PDXDC1: variants seen among roughly 807,000 people sequenced by gnomAD.
PDXDC1 encodes the protein pyridoxal dependent decarboxylase domain containing 1.
A neutral mutation model predicts 100.1 loss-of-function variants in PDXDC1; 42 were observed. The ratio of observed to expected loss-of-function variants is 0.42; its 90% CI spans 0.33 to 0.54. The LOEUF is 0.54. Ranked by LOEUF, PDXDC1 falls within the 20% of genes least tolerant of loss-of-function variation. PDXDC1 has a pLI of 0.10. For missense variants in PDXDC1, 636 were observed against 979.2 expected, an observed-to-expected ratio of 0.65 and a Z score of 4.68; for synonymous variants, 260 against 371.7, an observed-to-expected ratio of 0.70 and a Z score of 3.46.
chr16:15,074,566 T>G (rs766902627), intron 16 of PDXDC1: 13 of 460,234 alleles, frequency 2.8e-5, no homozygotes, highest in Non-Finnish European at 4.1e-5. Flanking sequence ...GCTATGTGAC[T>G]GGCAAGTAAC....
chr16:15,050,005 A>C (rs898295358), intron 16 of PDXDC1, among the ~76,000 whole-genome samples: 4 of 152,232 alleles, frequency 2.6e-5, no homozygotes, highest in African/African-American at 9.6e-5. Flanking sequence ...CTGTGCCAAA[A>C]AAGCAAACAT....
chr16:15,132,694 C>T (rs1202687850), intron 16 of PDXDC1: 34 of 806,886 alleles, frequency 4.2e-5, no homozygotes, highest in South Asian at 2.4e-4. Flanking sequence ...GCATGCGGGG[C>T]GGGGTGAGCA....
intron 16 of PDXDC1, among the ~76,000 whole-genome samples, chr16:15,101,952 G>C (rs546689139): frequency 2.7e-5 from 4 of 147,564 alleles, no homozygotes; most frequent in Non-Finnish European, 4.6e-5. Context: ...GGGTTCAAGC[G>C]ATTCTCCTGC....
intron 16 of PDXDC1, among the ~76,000 whole-genome samples, chr16:15,064,004 T>C (rs545659714): frequency 6.0e-4 from 91 of 152,306 alleles, no homozygotes; most frequent in Admixed American, 1.4e-3. Context: ...ACTAATCTGG[T>C]TTCAGTCAAC....
chr16:15,092,475 C>A (rs2046172868), intron 16 of PDXDC1: 2 of 1,442,630 alleles, frequency 1.4e-6, no homozygotes, highest in Non-Finnish European at 2.0e-6. Context: ...TCTGACCTAA[C>A]CAAAAGCAAA....
intron 16 of PDXDC1, among the ~76,000 whole-genome samples, chr16:15,069,304 T>C (rs915426740): frequency 6.6e-6 from 1 of 152,102 alleles, no homozygotes; most frequent in African/African-American, 2.4e-5. Context: ...CCCCCGACGA[T>C]GAAGGATGAT....
intron 16 of PDXDC1, among the ~76,000 whole-genome samples, chr16:15,070,753 T>C (rs1319104596): frequency 6.6e-6 from 1 of 152,030 alleles, no homozygotes; most frequent in Non-Finnish European, 1.5e-5. Flanking sequence ...ATAGGTCTAT[T>C]ACCTTTAAAA....
intron 16 of PDXDC1, chr16:15,128,446 T>A (rs1427700897): frequency 2.9e-5 from 29 of 1,002,314 alleles, no homozygotes; most frequent in Non-Finnish European, 4.0e-5. Context: ...ACGTGTGGCA[T>A]CCCAGGCAAG....
chr16:15,140,095 C>CAAAAA (rs372891971), downstream of PDXDC1, among the ~76,000 whole-genome samples: 322 of 43,384 alleles, frequency 7.4e-3, 11 homozygotes, highest in African/African-American at 8.6e-3. Flanking sequence ...GACTCCATCT[C>CAAAAA]AAAAAAAAAA....
At chr16:15,064,479 G>A (rs375434237) in intron 16 of PDXDC1, among the ~76,000 whole-genome samples, 44 of 152,176 alleles carry the variant, frequency 2.9e-4, no homozygotes, top group East Asian at 5.8e-4. Context: ...CCAGCCAATC[G>A]TTTGTTTTTC....
intron 16 of PDXDC1, chr16:15,130,346 G>A (rs745923986): frequency 6.4e-6 from 10 of 1,554,992 alleles, no homozygotes; most frequent in East Asian, 2.4e-5. Flanking sequence ...CGTCCTCCTC[G>A]CTGAAGTACT....
chr16:15,120,954 CTCTG>C (rs1332587004), intron 16 of PDXDC1, among the ~76,000 whole-genome samples: 1 of 38,288 alleles, frequency 2.6e-5, no homozygotes, highest in Non-Finnish European at 4.8e-5. Context: ...CAGAGCGAGA[CTCTG>C]TCTCAAAAAA....
At chr16:15,011,083 C>G (rs2041222394) in intron 8 of PDXDC1, among the ~76,000 whole-genome samples, 1 of 152,286 alleles carries the variant, frequency 6.6e-6, no homozygotes, top group African/African-American at 2.4e-5. Flanking sequence ...TGAGCTAATT[C>G]TAAAGTTTAT....
chr16:15,117,774 G>T (rs1396352192), intron 16 of PDXDC1, among the ~76,000 whole-genome samples: 1 of 91,530 alleles, frequency 1.1e-5, no homozygotes, highest in Non-Finnish European at 2.2e-5. Flanking sequence ...GTGGCATAGA[G>T]AATGTTAAAT....
chr16:15,028,617 T>C (rs1461994396), intron 14 of PDXDC1, among the ~76,000 whole-genome samples: 1 of 152,304 alleles, frequency 6.6e-6, no homozygotes, highest in Non-Finnish European at 1.5e-5. Context: ...ACAATTGCTG[T>C]TTCCCCTTGA....
Position 15,035,548 on chromosome 16 carries a change from T to G in PDXDC1, c.2102T>G (p.Leu701Arg). 1 of 1,601,020 alleles carries G rather than the reference T, an allele frequency of 6.2e-7. No individual in the cohort carries two copies. Among genetic ancestry groups the G allele is most frequent in the Non-Finnish European group, 8.5e-7 (1 of 1,170,140 alleles). Residue 701 changes from leucine to arginine, a missense_variant, in exon 22 of 23, where the codon CTT becomes CGT. Physicochemically the swap from Leu to Arg is moderately radical, Grantham distance 102 (BLOSUM62 -2). This residue lies in a region of PDXDC1 where 452 missense variants were observed against 402.9 expected (regional missense o/e 1.12). Coordinates refer to ENST00000396410, the MANE Select transcript of PDXDC1 (RefSeq NM_015027.4). ...TCGGGCAGTCGCACCAAGCAGAGGCTTCCAGGTAAGTGACGCCTCTGCACC... is the reference window on the plus strand; with the variant it reads ...TCGGGCAGTCGCACCAAGCAGAGGCGTCCAGGTAAGTGACGCCTCTGCACC... ...TPSGSRTKQR[L>R]PGQKPFKRSL...
intron 16 of PDXDC1, chr16:15,061,918 C>G (rs1359603887): frequency 1.2e-6 from 2 of 1,601,526 alleles, no homozygotes; most frequent in African/African-American, 1.3e-5. Context: ...GCAGAAACAT[C>G]AGAAATCATC....
downstream of PDXDC1, chr16:15,040,262 G>A (rs909256852): frequency 3.0e-5 from 13 of 437,106 alleles, no homozygotes; most frequent in Non-Finnish European, 5.2e-5. Flanking sequence ...AAATCGCTGA[G>A]GCTCGAGCTG....
intron 16 of PDXDC1, among the ~76,000 whole-genome samples, chr16:15,098,222 A>G (rs956296816): frequency 1.3e-4 from 18 of 143,634 alleles, no homozygotes; most frequent in African/African-American, 4.7e-4. Flanking sequence ...TTTTTTTGAG[A>G]CAGAGTCTCA....
Sources: allele counts gnomAD v4.1 joint callset (sites outside exome capture counted in the v4.1 genomes callset), GRCh38; gene constraint gnomAD v4.1.1; regional missense constraint gnomAD v4.1.1; transcripts MANE v1.5; gene names NCBI Gene and HGNC (gene_info 2026-07-23, HGNC 2026-07-21).